The following IL1RAPL1 variants were observed in gnomAD, a reference collection of about 807,000 sequenced individuals.
IL1RAPL1 encodes the protein interleukin 1 receptor accessory protein like 1.
IL1RAPL1 carries 3 observed loss-of-function variants against 48.4 expected under a neutral mutation model. The ratio of observed to expected loss-of-function variants is 0.06; its 90% CI spans 0.03 to 0.16. The LOEUF (loss-of-function observed/expected upper bound fraction) is 0.16, where lower values mean the gene tolerates loss of function less well. Among genes scored for constraint, IL1RAPL1 ranks in the 10% least tolerant of loss-of-function variants. The pLI, the probability that IL1RAPL1 is intolerant of heterozygous loss-of-function variation, is 1.00. For synonymous variants in IL1RAPL1, 185 were observed against 187.7 expected, an observed-to-expected ratio of 0.99 and a Z score of 0.12; for missense variants, 349 against 530.6, an observed-to-expected ratio of 0.66 and a Z score of 3.36.
At chrX:29,123,072 C>T (rs1421505694) in intron 2 of IL1RAPL1, among the ~76,000 whole-genome samples, 1 of 109,264 alleles carries the variant, frequency 9.2e-6, no homozygotes, top group African/African-American at 3.3e-5. Context: ...TTCTGTTGCT[C>T]AGGCTGGAGT....
chrX:29,729,533 A>T lies in IL1RAPL1; in HGVS notation c.778+61029A>T, dbSNP rs193297243. Among the ~76,000 whole-genome samples the T allele has an allele frequency of 4.9e-4, 55 of 111,403 alleles. 1 individual carries two copies. Among genetic ancestry groups the T allele is most frequent in the African/African-American group, 1.6e-3 (50 of 30,660 alleles). On this transcript the variant is annotated intron_variant, in intron 6 of 10. Transcript: ENST00000378993. ...TTCATCTTGATAAGAAATACCTAGGAAATAACAAACAAGGAGATTCAGGTA... is the reference window on the plus strand; with the variant it reads ...TTCATCTTGATAAGAAATACCTAGGTAATAACAAACAAGGAGATTCAGGTA...
At chrX:29,027,091 C>T (rs1027564405) in intron 2 of IL1RAPL1, among the ~76,000 whole-genome samples, 3 of 111,698 alleles carry the variant, frequency 2.7e-5, no homozygotes, top group African/African-American at 9.7e-5. Context: ...TAGTGTTGTA[C>T]ATTCTGTGGG....
intron 2 of IL1RAPL1, among the ~76,000 whole-genome samples, chrX:28,976,276 T>C (rs181987051): frequency 1.1e-3 from 119 of 111,907 alleles, no homozygotes; most frequent in African/African-American, 3.7e-3. Flanking sequence ...TATGAATCCA[T>C]TGAAATAGTT....
chrX:29,555,428 C>T (rs1921963059), intron 5 of IL1RAPL1, among the ~76,000 whole-genome samples: 2 of 112,049 alleles, frequency 1.8e-5, no homozygotes, highest in African/African-American at 6.5e-5. Flanking sequence ...AGACAATTGC[C>T]TTCCTTAAGC....
chrX:29,260,209 G>A (rs1931828086), intron 2 of IL1RAPL1, among the ~76,000 whole-genome samples: 1 of 112,405 alleles, frequency 8.9e-6, no homozygotes, highest in African/African-American at 3.2e-5. Context: ...AAAAGCAAAT[G>A]GCTAAAGCCG....
At chrX:29,936,518 A>AAC (rs55890071) in intron 8 of IL1RAPL1, among the ~76,000 whole-genome samples, 9,036 of 93,344 alleles carry the variant, frequency 0.097, 396 homozygotes, top group Admixed American at 0.14. Flanking sequence ...TATATATAGG[A>AAC]ACACACACAC....
intron 1 of IL1RAPL1, among the ~76,000 whole-genome samples, chrX:28,719,283 GATA>G (rs1162644039): frequency 1.8e-5 from 2 of 110,920 alleles, no homozygotes; most frequent in African/African-American, 6.5e-5. Context: ...AAATCAATAA[GATA>G]ATAAAAGTGT....
chrX:29,944,756 C>T (rs1361889775), intron 9 of IL1RAPL1, among the ~76,000 whole-genome samples: 3 of 111,123 alleles, frequency 2.7e-5, no homozygotes, highest in Non-Finnish European at 5.7e-5. Context: ...ATATGCCATC[C>T]CTTCCTCACT....
chrX:29,934,216 T>G (rs1693441876), intron 8 of IL1RAPL1, among the ~76,000 whole-genome samples: 1 of 111,772 alleles, frequency 8.9e-6, no homozygotes, highest in Non-Finnish European at 1.9e-5. Flanking sequence ...AAATTTAATT[T>G]ACATTAGAAG....
chrX:28,649,382 C>A (rs1428423643), intron 1 of IL1RAPL1, among the ~76,000 whole-genome samples: 1 of 111,853 alleles, frequency 8.9e-6, no homozygotes, highest in African/African-American at 3.3e-5. Context: ...AGGTGTGAGT[C>A]CAGAAAACGA....
intron 6 of IL1RAPL1, among the ~76,000 whole-genome samples, chrX:29,684,322 G>A (rs776707168): frequency 2.0e-4 from 22 of 111,357 alleles, no homozygotes; most frequent in Non-Finnish European, 3.4e-4. Flanking sequence ...CATAGTGGAG[G>A]AAGCAAAGCA....
intron 2 of IL1RAPL1, among the ~76,000 whole-genome samples, chrX:29,248,660 A>T (rs771199530): frequency 9.4e-4 from 106 of 112,381 alleles, no homozygotes; most frequent in Middle Eastern, 9.2e-3. Context: ...CGGATTAACA[A>T]AGTTAAAAAA....
At chrX:29,238,963 A>G (rs1276601247) in intron 2 of IL1RAPL1, among the ~76,000 whole-genome samples, 3 of 112,317 alleles carry the variant, frequency 2.7e-5, no homozygotes, top group African/African-American at 9.7e-5. Context: ...TTCCTTATCA[A>G]TGATCTCTTA....
chrX:28,592,002 T>C (rs1933912007), intron 1 of IL1RAPL1, among the ~76,000 whole-genome samples: 1 of 111,607 alleles, frequency 9.0e-6, no homozygotes, highest in South Asian at 3.8e-4. Flanking sequence ...TACACCCTTA[T>C]TGTAAATCTG....
intron 5 of IL1RAPL1, among the ~76,000 whole-genome samples, chrX:29,409,148 C>A (rs1322940556): frequency 1.8e-5 from 2 of 112,024 alleles, no homozygotes; most frequent in Non-Finnish European, 3.8e-5. Flanking sequence ...TCACTGACTA[C>A]AGCCTAACAA....
At chrX:29,736,140 T>C (rs976903137) in intron 6 of IL1RAPL1, among the ~76,000 whole-genome samples, 2 of 112,394 alleles carry the variant, frequency 1.8e-5, no homozygotes, top group African/African-American at 3.2e-5. Context: ...TCCTAAAGGT[T>C]ATGCAAGATA....
chrX:29,528,376 C>T (rs751706869), intron 5 of IL1RAPL1, among the ~76,000 whole-genome samples: 9 of 112,021 alleles, frequency 8.0e-5, no homozygotes, highest in African/African-American at 6.5e-5. Context: ...TAAGTGAAAG[C>T]GAAGTAAAAG....
intron 1 of IL1RAPL1, among the ~76,000 whole-genome samples, chrX:28,671,873 T>G (rs1461570596): frequency 8.9e-6 from 1 of 112,632 alleles, no homozygotes; most frequent in Admixed American, 9.4e-5. Context: ...AGCATAGTGT[T>G]AAATTGATTC....
intron 5 of IL1RAPL1, among the ~76,000 whole-genome samples, chrX:29,532,124 T>C (rs1921063050): frequency 1.8e-5 from 2 of 111,203 alleles, no homozygotes; most frequent in African/African-American, 6.6e-5. Flanking sequence ...AAAATAAACA[T>C]CCCCCCTTTC....
Sources: gnomAD v4.1 joint callset for allele counts (sites outside exome capture counted in the v4.1 genomes callset) on GRCh38, gnomAD v4.1.1 for gene constraint, MANE v1.5 for transcripts, NCBI Gene and HGNC (gene_info 2026-07-23, HGNC 2026-07-21) for gene names.